The following FMO4 variants were observed in gnomAD, a reference collection of about 807,000 sequenced individuals.
FMO4 encodes the protein dimethylaniline monooxygenase [N-oxide-forming] 4.
Under a neutral mutation model 43.3 loss-of-function variants are expected in FMO4, and 38 were observed. The observed-to-expected ratio is 0.88, with a 90% confidence interval of 0.68 to 1.15. The LOEUF is 1.15. Among genes scored for constraint, FMO4 ranks in the 50% most tolerant of loss-of-function variants. The pLI is 0.00. For synonymous variants in FMO4, 224 were observed against 232.2 expected, an observed-to-expected ratio of 0.96 and a Z score of 0.32; for missense variants, 631 against 663.3, an observed-to-expected ratio of 0.95 and a Z score of 0.54.
chr1:171,324,421 A>G, intron 5 of FMO4, 121 bp downstream of exon 5: 1 of 718,402 alleles, frequency 1.4e-6, no homozygotes, highest in South Asian at 2.7e-5. Context: ...CATTCTCAAA[A>G]ATAATATGTG....
chr1:171,333,475 C>T (rs1411049663), intron 7 of FMO4, among the ~76,000 whole-genome samples: 2 of 152,036 alleles, frequency 1.3e-5, no homozygotes, highest in East Asian at 1.9e-4. Flanking sequence ...CTACCTGCCT[C>T]GGCCTCCCAA....
At chr1:171,334,939 G>A (rs1663061516) in intron 8 of FMO4, among the ~76,000 whole-genome samples, 176 bp downstream of exon 8, 1 of 152,188 alleles carries the variant, frequency 6.6e-6, no homozygotes, top group South Asian at 2.1e-4. Context: ...TGACTGAATA[G>A]GAAAAGAGAT....
intron 6 of FMO4, among the ~76,000 whole-genome samples, chr1:171,332,170 T>G (rs1309557871): frequency 6.6e-6 from 1 of 152,188 alleles, no homozygotes; most frequent in Non-Finnish European, 1.5e-5. Context: ...AAAGGTCATT[T>G]TCTTGAATGT....
intron 4 of FMO4, 151 bp downstream of exon 4, chr1:171,323,343 C>A: frequency 1.6e-6 from 1 of 613,374 alleles, no homozygotes; most frequent in Non-Finnish European, 2.8e-6. Context: ...CGCTGCTGCT[C>A]AAGTTTTACT....
intron 5 of FMO4, among the ~76,000 whole-genome samples, chr1:171,331,062 G>A (rs1189953897): frequency 6.6e-6 from 1 of 152,142 alleles, no homozygotes; most frequent in African/African-American, 2.4e-5. Context: ...CTCCCCTGTG[G>A]AGAATTTTAA....
chr1:171,319,175 A>T (rs1376668914), intron 2 of FMO4, among the ~76,000 whole-genome samples: 1 of 152,164 alleles, frequency 6.6e-6, no homozygotes, highest in Non-Finnish European at 1.5e-5. Context: ...TGAGTGGTGG[A>T]GGTGGATCTC....
intron 5 of FMO4, among the ~76,000 whole-genome samples, chr1:171,325,817 CTTTTTTTTTTTTTTTTTTTTTTT>C (rs869107866): frequency 6.9e-4 from 35 of 51,028 alleles, no homozygotes; most frequent in Admixed American, 1.3e-3. Flanking sequence ...ATAGACTATC[CTTTTTTTTTTTTTTTTTTTTTTT>C]TTTTTTTTTT....
intron 5 of FMO4, among the ~76,000 whole-genome samples, chr1:171,326,243 T>TGCATA (rs1396696907): frequency 6.6e-6 from 1 of 152,196 alleles, no homozygotes; most frequent in African/African-American, 2.4e-5. Flanking sequence ...AACTCTTCTC[T>TGCATA]GCATAGAAAG....
chr1:171,332,772 T>A lies in FMO4; in HGVS notation c.691T>A (p.Tyr231Asn). 1 of 1,612,518 alleles carries A rather than the reference T, an allele frequency of 6.2e-7. No homozygotes were observed. Among genetic ancestry groups the A allele is most frequent in the Non-Finnish European group, 8.5e-7 (1 of 1,178,634 alleles). ...LGRSSDWGYP[Y>N]NMMVTRRCCS... ...GCGCTCTTCAGATTGGGGCTATCCTTATAATATGATGGTTACAAGAAGATG... is the reference window on the plus strand; with the variant it reads ...GCGCTCTTCAGATTGGGGCTATCCTAATAATATGATGGTTACAAGAAGATG... The change falls in exon 7 of 10, where the codon TAT (tyrosine) becomes AAT (asparagine). Residue 231 changes from tyrosine (Y) to asparagine (N), a missense_variant. Transcript: ENST00000367749.
rs138259447 is a variant in FMO4 at position 171,331,769 on chromosome 1, G to A, written c.614G>A (p.Arg205Gln). ...TGGDIAVELS[R>Q]TAAQVLLSTR... The stretch of plus-strand genomic sequence containing the variant: ...GGAGACATTGCTGTGGAACTCAGTC[G>A]AACGGCAGCTCAGGTACATCATCTC... The change falls in exon 6 of 10, where the codon CGA becomes CAA. Residue 205 changes from arginine (R) to glutamine (Q), a missense_variant. Arg to Gln is a conservative substitution (Grantham distance 43). Coordinates refer to ENST00000367749, the MANE Select transcript of FMO4 (RefSeq NM_002022.3). The A allele has an allele frequency of 8.6e-5, 139 of 1,613,634 alleles. No homozygotes were observed. Among genetic ancestry groups the A allele is most frequent in the Non-Finnish European group, 1.1e-4 (133 of 1,179,762 alleles).
intron 9 of FMO4, among the ~76,000 whole-genome samples, chr1:171,338,551 A>ATT (rs1663216184): frequency 5.3e-5 from 8 of 152,232 alleles, no homozygotes; most frequent in African/African-American, 1.9e-4. Context: ...CATACCAAAC[A>ATT]TAACCCCCTC....
At chr1:171,327,343 T>C (rs781745318) in intron 5 of FMO4, among the ~76,000 whole-genome samples, 1 of 152,226 alleles carries the variant, frequency 6.6e-6, no homozygotes, top group Non-Finnish European at 1.5e-5. Flanking sequence ...GAGTATAGTA[T>C]CATGCCTGAC....
chr1:171,315,161 G>A (rs1328030637), intron 1 of FMO4, among the ~76,000 whole-genome samples: 3 of 152,126 alleles, frequency 2.0e-5, no homozygotes, highest in South Asian at 2.1e-4. Flanking sequence ...GCGTGGTGCC[G>A]CCTGCCTGTA....
Position 171,334,724 on chromosome 1 carries a change from A to C in FMO4, c.1141A>C (p.Thr381Pro). The change falls in exon 8 of 10, where the codon ACA (threonine) becomes CCA (proline). Residue 381 changes from threonine to proline, a missense_variant. Physicochemically the swap from Thr to Pro is conservative, Grantham distance 38. Coordinates refer to ENST00000367749, the MANE Select transcript of FMO4 (RefSeq NM_002022.3). ...IGLKGSILSG[T>P]ELQARWVTRV... ...CCTTAAAGGATCCATCTTATCAGGC[A>C]CAGAGCTCCAAGCACGATGGGTCAC... 2 of 1,600,306 alleles carry C rather than the reference A, an allele frequency of 1.2e-6. No homozygotes were observed. Among genetic ancestry groups the C allele is most frequent in the Non-Finnish European group, 1.7e-6 (2 of 1,175,822 alleles).
chr1:171,341,818 A>T lies in FMO4; in HGVS notation c.1656A>T (p.Leu552=). 1 of 1,612,470 alleles carries T rather than the reference A, an allele frequency of 6.2e-7. No homozygotes were observed. The highest frequency in any genetic ancestry group is 8.5e-7 in the Non-Finnish European group (1 of 1,179,076). Residue 552 remains leucine, a synonymous_variant, in exon 10 of 10, where the codon CTA becomes CTT. Coordinates refer to ENST00000367749, the MANE Select transcript of FMO4 (RefSeq NM_002022.3). The stretch of plus-strand genomic sequence containing the variant: ...TACAGGACAGAATGTCCCCTTACCT[A>T]GTAAGTCTTTGGCGAGGATGAACCT... The part of the protein sequence containing the change: ...DKLQDRMSPY[L]VSLWRG
intron 2 of FMO4, among the ~76,000 whole-genome samples, chr1:171,317,107 G>A (rs1006077232): frequency 6.6e-6 from 1 of 152,182 alleles, no homozygotes; most frequent in African/African-American, 2.4e-5. Flanking sequence ...CTTGGTTTCA[G>A]ATCCTGAAAT....
chr1:171,329,979 T>C (rs984365002), intron 5 of FMO4, among the ~76,000 whole-genome samples: 1 of 152,220 alleles, frequency 6.6e-6, no homozygotes, highest in Non-Finnish European at 1.5e-5. Flanking sequence ...ATAAGATGTT[T>C]CTTATTATTT....
chr1:171,324,661 C>G (rs1662584225), intron 5 of FMO4, among the ~76,000 whole-genome samples: 1 of 151,720 alleles, frequency 6.6e-6, no homozygotes, highest in Middle Eastern at 3.2e-3. Flanking sequence ...ATAGAACTTA[C>G]AGGAAGTGAG....
At chr1:171,331,555 C>G in intron 5 of FMO4, 85 bp from the exon 6 acceptor site, 1 of 1,332,318 alleles carries the variant, frequency 7.5e-7, no homozygotes, top group Non-Finnish European at 1.1e-6. Context: ...TGTGGGACTT[C>G]CCTTTTTCCA....
Sources: allele counts gnomAD v4.1 joint callset (sites outside exome capture counted in the v4.1 genomes callset), GRCh38; gene constraint gnomAD v4.1.1; transcripts MANE v1.5; gene names NCBI Gene and HGNC (gene_info 2026-07-23, HGNC 2026-07-21).